WDR70: variants seen among roughly 807,000 people sequenced by gnomAD.
WDR70 encodes the protein WD repeat domain 70, also known as WD repeat-containing protein 70.
WDR70 carries 53 observed loss-of-function variants against 88.6 expected under a neutral mutation model. The ratio of observed to expected loss-of-function variants is 0.60; its 90% CI spans 0.48 to 0.75. The LOEUF (loss-of-function observed/expected upper bound fraction) is 0.75. Ranked by LOEUF, WDR70 falls within the 30% of genes least tolerant of loss-of-function variation. The pLI is 0.00. For synonymous variants in WDR70, 280 were observed against 270.0 expected (o/e 1.04, Z -0.36); for missense variants, 610 against 823.2 (o/e 0.74, Z 3.17).
intron 9 of WDR70, among the ~76,000 whole-genome samples, chr5:37,544,849 T>G (rs1370229431): frequency 3.7e-4 from 56 of 152,198 alleles, no homozygotes; most frequent in Admixed American, 3.7e-3. Context: ...TCATAAGCTT[T>G]TGCTGGAAGG....
At chr5:37,686,995 A>G (rs1281818085) in intron 10 of WDR70, among the ~76,000 whole-genome samples, 1 of 150,962 alleles carries the variant, frequency 6.6e-6, no homozygotes, top group African/African-American at 2.5e-5. Flanking sequence ...AAGCCTATAT[A>G]AGGTAGTTAA....
rs138284618 is a variant in WDR70, at chr5:37,648,911, C to T, written c.1092+43673C>T. ...AATTTTGCTTCTTATTAGTTTAACA[C>T]ATTAATTTTTCATTAATAACATTGT... On this transcript the variant is annotated intron_variant, in intron 10 of 17. Coordinates refer to ENST00000265107, the MANE Select transcript of WDR70 (RefSeq NM_018034.4). Among the ~76,000 whole-genome samples the T allele has an allele frequency of 3.7e-4, 56 of 152,262 alleles. No homozygotes were observed. In the East Asian group the frequency reaches 0.01, roughly 28 times the overall value.
At chr5:37,410,089 C>G (rs1383205001) in intron 5 of WDR70, among the ~76,000 whole-genome samples, 1 of 151,168 alleles carries the variant, frequency 6.6e-6, no homozygotes, top group East Asian at 1.9e-4. Context: ...CTATGATGCA[C>G]AGGCTGGTCT....
At chr5:37,534,286 G>T (rs988902144) in intron 9 of WDR70, among the ~76,000 whole-genome samples, 6 of 152,148 alleles carry the variant, frequency 3.9e-5, no homozygotes, top group Non-Finnish European at 8.8e-5. Context: ...TTTGAATGGG[G>T]TATAAGGAAA....
At chr5:37,560,441 A>G (rs920701879) in intron 9 of WDR70, among the ~76,000 whole-genome samples, 1 of 152,226 alleles carries the variant, frequency 6.6e-6, no homozygotes, top group African/African-American at 2.4e-5. Context: ...CTCTCAGTTT[A>G]AAGTCAAATA....
chr5:37,389,552 C>T (rs1394668153), intron 3 of WDR70, among the ~76,000 whole-genome samples: 1 of 152,082 alleles, frequency 6.6e-6, no homozygotes, highest in Non-Finnish European at 1.5e-5. Flanking sequence ...GCTGGGACTA[C>T]AGGCGGCTGC....
chr5:37,734,653 G>A (rs2112719700), intron 17 of WDR70, among the ~76,000 whole-genome samples: 1 of 152,146 alleles, frequency 6.6e-6, no homozygotes, highest in African/African-American at 2.4e-5. Context: ...GCGGAGAAAA[G>A]GCGCTATTTT....
At chr5:37,403,427 C>A (rs1367393530) in intron 5 of WDR70, among the ~76,000 whole-genome samples, 2 of 152,186 alleles carry the variant, frequency 1.3e-5, no homozygotes, top group East Asian at 3.8e-4. Context: ...TTCCCCACTG[C>A]AGCAAGATTA....
Position 37,721,160 on chromosome 5 carries a change from G to T in WDR70, c.1462G>T (p.Val488Phe). ...GCATCCAAAGCTGAACCAGATCATG[G>T]TTGGAACTGGAAATGGATTGGCTAA... ...LWHPKLNQIM[V>F]GTGNGLAKVY... The change falls in exon 14 of 18, where the codon GTT becomes TTT. Residue 488 changes from valine (V) to phenylalanine (F), a missense_variant. By Grantham distance (50) the Val-to-Phe change is conservative. Coordinates refer to ENST00000265107, the MANE Select transcript of WDR70 (RefSeq NM_018034.4). The T allele has an allele frequency of 6.2e-7, 1 of 1,613,778 alleles. No individual in the cohort carries two copies.
chr5:37,730,109 T>C (rs558034292), intron 17 of WDR70, among the ~76,000 whole-genome samples: 58 of 152,248 alleles, frequency 3.8e-4, no homozygotes, highest in Non-Finnish European at 7.1e-4. Flanking sequence ...TATGAACACA[T>C]GTATAGAGTA....
rs556583597 is a variant in WDR70 at position 37,443,578 on chromosome 5, C to G, written c.686+206C>G. Among the ~76,000 whole-genome samples, 19 of 152,270 alleles carry G rather than the reference C, an allele frequency of 1.2e-4. No homozygotes were observed. The East Asian group carries it at 3.7e-3, about 29-fold the overall frequency. ...TCATAAACTTATATTTTAGGCTGGG[C>G]GCGGTGGCTCACACTTGTAATTCCA... On this transcript the variant is annotated intron_variant, in intron 7 of 17. Coordinates refer to ENST00000265107, the MANE Select transcript of WDR70 (RefSeq NM_018034.4).
At chr5:37,401,636 A>AT (rs1435630920) in intron 5 of WDR70, among the ~76,000 whole-genome samples, 1 of 151,952 alleles carries the variant, frequency 6.6e-6, no homozygotes, top group Non-Finnish European at 1.5e-5. Flanking sequence ...TATTTTTAAA[A>AT]TTTTTGTAGA....
At chr5:37,737,219 C>T (rs1748328133) in intron 17 of WDR70, among the ~76,000 whole-genome samples, 1 of 151,990 alleles carries the variant, frequency 6.6e-6, no homozygotes, top group African/African-American at 2.4e-5. Flanking sequence ...CACAGCAGCC[C>T]TGTGAGGCAA....
intron 6 of WDR70, among the ~76,000 whole-genome samples, chr5:37,440,643 C>A (rs1409804368): frequency 1.3e-5 from 2 of 152,328 alleles, no homozygotes; most frequent in South Asian, 2.1e-4. Context: ...CTGCGCCCAG[C>A]CTCCGAGCTC....
chr5:37,423,362 T>G (rs1236210681), intron 5 of WDR70, among the ~76,000 whole-genome samples: 4 of 125,984 alleles, frequency 3.2e-5, no homozygotes, highest in Non-Finnish European at 7.0e-5. Flanking sequence ...ACAAAAACAT[T>G]AAAAAAAAAA....
chr5:37,437,248 T>C lies in WDR70; in HGVS notation c.493-674T>C, dbSNP rs16903618. ...GAATCAGTGAATGATTTGGAGTTTC[T>C]TATTTTTACCATTTTTGAACAATTT... On this transcript the variant is annotated intron_variant, in intron 5 of 17. Transcript: ENST00000265107. Among the ~76,000 whole-genome samples, 1,126 of 152,318 alleles carry C rather than the reference T, an allele frequency of 7.4e-3. 17 individuals are homozygous for C. The highest frequency in any genetic ancestry group is 0.025 in the African/African-American group (1,060 of 41,582).
At position 37,386,352 on chromosome 5, in the gene WDR70, T is replaced by A. The variant is rs1034905350; in HGVS notation, c.175+4667T>A. Reference sequence around the variant, plus strand: ...CGGCTTTTTGTTGTTATTTACTTATTTATTTTTTTGAGTTGCCCAGGCTGG... The same window carrying A: ...CGGCTTTTTGTTGTTATTTACTTATATATTTTTTTGAGTTGCCCAGGCTGG... On this transcript the variant is annotated intron_variant, in intron 3 of 17. Transcript: ENST00000265107. Among the ~76,000 whole-genome samples, 100 of 152,284 alleles carry A rather than the reference T, an allele frequency of 6.6e-4. 1 individual carries two copies. Among genetic ancestry groups the A allele is most frequent in the Middle Eastern group, 6.8e-3 (2 of 294 alleles).
At chr5:37,711,873 A>C (rs577119216) in intron 13 of WDR70, among the ~76,000 whole-genome samples, 85 of 151,690 alleles carry the variant, frequency 5.6e-4, no homozygotes, top group African/African-American at 1.9e-3. Context: ...TTATTCTATT[A>C]TATTCTTGTT....
intron 3 of WDR70, among the ~76,000 whole-genome samples, chr5:37,386,119 A>G (rs2111861704): frequency 6.6e-6 from 1 of 151,838 alleles, no homozygotes; most frequent in South Asian, 2.1e-4. Flanking sequence ...GGCCAAATAT[A>G]TTTCATATTA....
Sources: gnomAD v4.1 joint callset for allele counts (sites outside exome capture counted in the v4.1 genomes callset) on GRCh38, gnomAD v4.1.1 for gene constraint, MANE v1.5 for transcripts, NCBI Gene and HGNC (gene_info 2026-07-23, HGNC 2026-07-21) for gene names.